The following NPAS3 variants were observed in gnomAD, a reference collection of about 807,000 sequenced individuals.
NPAS3 encodes neuronal PAS domain protein 3.
Under a neutral mutation model 73.1 loss-of-function variants are expected in NPAS3, and 14 were observed. The observed-to-expected ratio is 0.19, with a 90% CI of 0.13 to 0.30. The LOEUF (loss-of-function observed/expected upper bound fraction) is 0.30, where lower values mean the gene tolerates loss of function less well. Ranked by LOEUF, NPAS3 falls within the 10% of genes least tolerant of loss-of-function variation. The pLI, the probability that NPAS3 is intolerant of heterozygous loss-of-function variation, is 1.00. For missense variants in NPAS3, 1,096 were observed against 1,250.0 expected (o/e 0.88, Z 1.86); for synonymous variants, 620 against 541.5 (o/e 1.14, Z -2.01).
At chr14:33,312,228 G>A (rs1218284871) in intron 3 of NPAS3, among the ~76,000 whole-genome samples, 1 of 149,508 alleles carries the variant, frequency 6.7e-6, no homozygotes, top group Non-Finnish European at 1.5e-5. Context: ...GCTACTACTG[G>A]TATTTTTTTC....
intron 5 of NPAS3, among the ~76,000 whole-genome samples, chr14:33,577,602 T>C (rs922039765): frequency 6.6e-6 from 1 of 152,196 alleles, no homozygotes; most frequent in African/African-American, 2.4e-5. Flanking sequence ...TTCCATCTCA[T>C]ATCCCATGCC....
intron 5 of NPAS3, among the ~76,000 whole-genome samples, chr14:33,627,047 T>C (rs1243975950): frequency 6.6e-6 from 1 of 152,016 alleles, no homozygotes; most frequent in Non-Finnish European, 1.5e-5. Context: ...TATGCATTAT[T>C]GTCACATAAA....
intron 6 of NPAS3, among the ~76,000 whole-genome samples, chr14:33,704,196 C>A (rs1187203698): frequency 1.3e-5 from 2 of 152,112 alleles, no homozygotes; most frequent in Non-Finnish European, 2.9e-5. Context: ...AGAATGAAGT[C>A]ATGTGATAAC....
chr14:33,063,451 C>T (rs192243434), intron 2 of NPAS3, among the ~76,000 whole-genome samples: 2 of 152,200 alleles, frequency 1.3e-5, no homozygotes, highest in Admixed American at 6.5e-5. Flanking sequence ...ACCCCCAACC[C>T]CCCAGTTTTT....
chr14:33,111,974 C>A (rs1000092461), intron 2 of NPAS3, among the ~76,000 whole-genome samples: 2 of 152,130 alleles, frequency 1.3e-5, no homozygotes, highest in African/African-American at 4.8e-5. Context: ...CCAGCTTCAT[C>A]CATGTCCCTA....
At chr14:32,973,983 G>A (rs570169588) in intron 1 of NPAS3, among the ~76,000 whole-genome samples, 26 of 152,268 alleles carry the variant, frequency 1.7e-4, no homozygotes, top group Admixed American at 1.1e-3. Flanking sequence ...TTCTAGAAAC[G>A]ATTTGAAGTC....
At chr14:33,013,630 T>C (rs2039290848) in intron 1 of NPAS3, among the ~76,000 whole-genome samples, 1 of 152,216 alleles carries the variant, frequency 6.6e-6, no homozygotes, top group Non-Finnish European at 1.5e-5. Flanking sequence ...CTGTACACAC[T>C]GATCTTACTA....
chr14:33,328,053 T>C (rs1594701456), intron 3 of NPAS3, among the ~76,000 whole-genome samples: 1 of 152,306 alleles, frequency 6.6e-6, no homozygotes, highest in East Asian at 1.9e-4. Context: ...AGCAATTCTA[T>C]TGGCACTGGA....
At chr14:33,147,119 C>CT (rs1312758551) in intron 2 of NPAS3, among the ~76,000 whole-genome samples, 1 of 151,986 alleles carries the variant, frequency 6.6e-6, no homozygotes, top group East Asian at 1.9e-4. Flanking sequence ...TAAACACAAC[C>CT]TTACAATAAT....
chr14:33,208,615 A>G (rs2046918365), intron 2 of NPAS3, among the ~76,000 whole-genome samples: 1 of 152,136 alleles, frequency 6.6e-6, no homozygotes, highest in Non-Finnish European at 1.5e-5. Context: ...GTTTTTTGAC[A>G]TTTTTTTAAG....
intron 3 of NPAS3, among the ~76,000 whole-genome samples, chr14:33,325,283 C>T (rs116486256): frequency 2.0e-5 from 3 of 152,066 alleles, no homozygotes; most frequent in African/African-American, 7.2e-5. Flanking sequence ...AATGGGGTAT[C>T]TGTCCTCTCA....
intron 5 of NPAS3, among the ~76,000 whole-genome samples, chr14:33,648,727 T>C (rs1468480859): frequency 6.6e-6 from 1 of 152,196 alleles, no homozygotes; most frequent in Non-Finnish European, 1.5e-5. Context: ...CCCCTGGGTA[T>C]GGGAAGACAG....
At chr14:33,751,049 C>A (rs541103972) in intron 7 of NPAS3, among the ~76,000 whole-genome samples, 6 of 152,204 alleles carry the variant, frequency 3.9e-5, no homozygotes, top group Non-Finnish European at 8.8e-5. Context: ...AGAAAGAAAT[C>A]TGGGTATCAG....
chr14:33,547,300 G>T (rs1409921682), intron 4 of NPAS3, among the ~76,000 whole-genome samples: 1 of 152,112 alleles, frequency 6.6e-6, no homozygotes, highest in Non-Finnish European at 1.5e-5. Context: ...AAACAAATCT[G>T]ACTTGTTGGG....
At chr14:33,456,403 A>G (rs72680170) in intron 4 of NPAS3, among the ~76,000 whole-genome samples, 4,595 of 152,270 alleles carry the variant, frequency 0.03, 109 homozygotes, top group Non-Finnish European at 0.046. Flanking sequence ...AAACTGTAGG[A>G]ATAGCAACAT....
intron 6 of NPAS3, among the ~76,000 whole-genome samples, chr14:33,711,324 G>T (rs1035195137): frequency 6.6e-6 from 1 of 152,148 alleles, no homozygotes; most frequent in Non-Finnish European, 1.5e-5. Context: ...ACTGGCGGAC[G>T]AGTGTTGTCT....
At chr14:33,564,819 G>C (rs2055845634) in intron 5 of NPAS3, among the ~76,000 whole-genome samples, 1 of 152,152 alleles carries the variant, frequency 6.6e-6, no homozygotes, top group Non-Finnish European at 1.5e-5. Flanking sequence ...ATAGGGTCCT[G>C]TTTACAACAA....
chr14:33,257,217 T>C (rs1482467648), intron 3 of NPAS3, among the ~76,000 whole-genome samples: 1 of 152,204 alleles, frequency 6.6e-6, no homozygotes, highest in Non-Finnish European at 1.5e-5. Context: ...ATGAATGCCA[T>C]TGGCTTCCTG....
chr14:33,019,855 TTC>T lies in NPAS3; in HGVS notation c.51-36048_51-36047del, dbSNP rs2138249856. 2.0e-5 allele frequency among the ~76,000 whole-genome samples: 3 copies of T among 152,362 alleles called. 1 individual carries two copies. The South Asian group carries it at 6.2e-4, about 32-fold the overall frequency. On this transcript the variant is annotated intron_variant, in intron 1 of 11. Coordinates refer to ENST00000356141, the Ensembl canonical transcript of NPAS3. ...TATTTGAATAGATATGGAGAATGCC[TTC>T]TAAACAACCCCATTTAAAATAGCTG...
Sources: gnomAD v4.1 joint callset for allele counts (sites outside exome capture counted in the v4.1 genomes callset) on GRCh38, gnomAD v4.1.1 for gene constraint, MANE v1.5 for transcripts, NCBI Gene and HGNC (gene_info 2026-07-23, HGNC 2026-07-21) for gene names.